The following GTPBP6 variants were observed in gnomAD, a reference collection of about 807,000 sequenced individuals.
GTPBP6 encodes the protein GTP binding protein 6.
In GTPBP6, 33 loss-of-function variants were observed where a neutral mutation model predicts 28.9. The ratio of observed to expected loss-of-function variants is 1.14; its 90% CI spans 0.87 to 1.53. The LOEUF (loss-of-function observed/expected upper bound fraction) is 1.53, where lower values mean the gene tolerates loss of function less well. Among genes scored for constraint, GTPBP6 ranks in the 40% most tolerant of loss-of-function variants. The pLI is 0.00. For synonymous variants in GTPBP6, 231 were observed against 192.7 expected (o/e 1.20, Z -1.65); for missense variants, 507 against 408.3 (o/e 1.24, Z -2.08).
chrX:305,930 C>T (rs57382042), intron 9 of GTPBP6, among the ~76,000 whole-genome samples: 6,567 of 151,992 alleles, frequency 0.043, 430 homozygotes, highest in African/African-American at 0.15. Flanking sequence ...GGGGTGGTAA[C>T]TTTTTATTCT....
At chrX:314,925 C>G (rs2070401280) in exon 4 of GTPBP6, 2 of 398,760 alleles carry the variant, frequency 5.0e-6, no homozygotes, top group Middle Eastern at 6.3e-4. Context: ...CCACCTGAAG[C>G]CGGGCCTCCT....
exon 7 of GTPBP6, chrX:311,445 C>T (rs370334798): frequency 1.8e-5 from 26 of 1,456,712 alleles, no homozygotes; most frequent in Admixed American, 1.6e-4. Flanking sequence ...TCCAGGGTGG[C>T]GGAGAAGGAC....
At chrX:317,164 T>C (rs2070453745) in intron 1 of GTPBP6, 113 bp from the exon 2 acceptor site, 1 of 398,078 alleles carries the variant, frequency 2.5e-6, no homozygotes, top group South Asian at 1.3e-4. Flanking sequence ...AGAAGGCACC[T>C]TGAGCCGCCG....
chrX:314,476 CTTT>C (rs755234998), intron 4 of GTPBP6, among the ~76,000 whole-genome samples: 6 of 142,954 alleles, frequency 4.2e-5, no homozygotes, highest in Non-Finnish European at 6.2e-5. Flanking sequence ...TGCTTTTCTT[CTTT>C]TTTTTTTTTT....
At chrX:305,814 C>G (rs1241274215) in intron 9 of GTPBP6, among the ~76,000 whole-genome samples, 1 of 151,650 alleles carries the variant, frequency 6.6e-6, no homozygotes, top group Non-Finnish European at 1.5e-5. Flanking sequence ...TTATTAGAGA[C>G]GGGGTTTCAC....
At chrX:304,806 G>C in exon 10 of GTPBP6, 2 of 1,366,028 alleles carry the variant, frequency 1.5e-6, no homozygotes, top group Non-Finnish European at 1.9e-6. Context: ...CCGAGGGAAA[G>C]CAGTTCACAG....
chrX:307,877 G>C, exon 8 of GTPBP6: 1 of 1,522,308 alleles, frequency 6.6e-7, no homozygotes, highest in Non-Finnish European at 8.8e-7. Context: ...TGCAAGATGA[G>C]ATCCTGTGGG....
At chrX:314,317 G>T in intron 4 of GTPBP6, 100 bp from the exon 5 acceptor site, 1 of 970,400 alleles carries the variant, frequency 1.0e-6, no homozygotes, top group East Asian at 2.5e-5. Flanking sequence ...GGGCCTCTGG[G>T]CCGAAGGGAG....
Position 314,498 on chromosome X carries a change from A to C in GTPBP6, c.690-281T>G, listed in dbSNP as rs1243097407. On this transcript the variant is annotated intron_variant, in intron 4 of 9. Transcript: ENST00000326153. ...CTTCTTTTTTTTTTTTTTTAGACGG[A>C]GTCTCGCTCTGTCACCCAGGCTGGA... 4.1e-5 allele frequency among the ~76,000 whole-genome samples: 6 copies of C among 145,956 alleles called. No homozygotes were observed. The East Asian group carries it at 1.0e-3, about 24-fold the overall frequency.
chrX:310,865 C>T (rs1192543982), intron 7 of GTPBP6, among the ~76,000 whole-genome samples: 5 of 152,024 alleles, frequency 3.3e-5, no homozygotes, highest in African/African-American at 9.7e-5. Context: ...TCCAGGGTCT[C>T]GGTGTTCATC....
chrX:305,920 G>A (rs2070153012), intron 9 of GTPBP6, among the ~76,000 whole-genome samples: 1 of 152,050 alleles, frequency 6.6e-6, no homozygotes, highest in African/African-American at 2.4e-5. Context: ...CACCCCACCT[G>A]GGGTGGTAAC....
chrX:317,568 G>A (rs2070460664), intron 1 of GTPBP6, among the ~76,000 whole-genome samples: 1 of 59,752 alleles, frequency 1.7e-5, no homozygotes, highest in East Asian at 4.5e-4. Flanking sequence ...GGGGTGGGGG[G>A]TGGGACTAGA....
At chrX:315,494 G>A (rs2070413137) in intron 2 of GTPBP6, among the ~76,000 whole-genome samples, 195 bp from the exon 3 acceptor site, 1 of 147,162 alleles carries the variant, frequency 6.8e-6, no homozygotes, top group Admixed American at 6.8e-5. Context: ...GTGTCTCAAA[G>A]ACATAGACAT....
chrX:309,625 CACGTGGAGAT>C (rs1392638370), intron 7 of GTPBP6, among the ~76,000 whole-genome samples: 1 of 151,930 alleles, frequency 6.6e-6, no homozygotes, highest in Non-Finnish European at 1.5e-5. Flanking sequence ...CAGAGAAGGC[CACGTGGAGAT>C]GGAGGCAGAG....
intron 5 of GTPBP6, 101 bp downstream of exon 5, chrX:314,049 G>C: frequency 1.5e-5 from 9 of 585,644 alleles, no homozygotes; most frequent in Admixed American, 2.5e-5. Context: ...GACCCCAGCT[G>C]GACCCCACCC....
chrX:314,629 C>T lies in GTPBP6; in HGVS notation c.689+261G>A, dbSNP rs970991656. Among the ~76,000 whole-genome samples the T allele has an allele frequency of 7.0e-3, 1,065 of 152,186 alleles. 9 individuals are homozygous for T. The highest frequency in any genetic ancestry group is 0.02 in the Middle Eastern group (6 of 294). ...CTGGGATTTCAGGCGCCCGCCACCA[C>T]GCCCGGCTAATTTTTTTCTTGTATT... On this transcript the variant is annotated intron_variant, in intron 4 of 9. Transcript: ENST00000326153.
intron 2 of GTPBP6, among the ~76,000 whole-genome samples, 175 bp from the exon 3 acceptor site, chrX:315,474 C>T (rs2070412671): frequency 6.6e-6 from 1 of 151,778 alleles, no homozygotes; most frequent in South Asian, 2.1e-4. Context: ...GGGTGTGTCT[C>T]TAGGAGTGTG....
chrX:315,120 GTGTCCCCATC>G (rs1325674681), intron 3 of GTPBP6, 99 bp downstream of exon 3: 142 of 398,724 alleles, frequency 3.6e-4, no homozygotes, highest in South Asian at 5.1e-4. Flanking sequence ...TAACCCCACC[GTGTCCCCATC>G]TGTCCCCATC....
Position 318,746 on chromosome X carries a change from G to C in GTPBP6, c.42C>G (p.Leu14=), listed in dbSNP as rs1376984488. The change falls in exon 1 of 10, where the codon CTC becomes CTG. Residue 14 remains leucine (L), a synonymous_variant. Coordinates refer to ENST00000326153, the Ensembl canonical transcript of GTPBP6. ...CCGAGCGGCCGCGGCCCACGCGGGA[G>C]AGCCGCAGCCCCGGGCGTACGGCGG... The C allele has an allele frequency of 2.3e-4, 75 of 329,710 alleles. 2 individuals carry two copies. The South Asian group carries it at 9.6e-3, about 42-fold the overall frequency. The allele number at this position is 329,710 out of a possible 1,614,324, so 20.4% of individuals were successfully genotyped here. A position where few individuals can be genotyped will look rare whatever the true frequency, so the allele number is the denominator to read the frequency against.
Sources: allele counts gnomAD v4.1 joint callset (sites outside exome capture counted in the v4.1 genomes callset), GRCh38; gene constraint gnomAD v4.1.1; transcripts MANE v1.5; gene names NCBI Gene and HGNC (gene_info 2026-07-23, HGNC 2026-07-21).